The following RFTN1 variants were observed in gnomAD, a reference collection of about 807,000 sequenced individuals.
RFTN1 encodes raftlin.
Under a neutral mutation model 46.5 loss-of-function variants are expected in RFTN1, and 26 were observed. The ratio of observed to expected loss-of-function variants is 0.56; its 90% CI spans 0.41 to 0.78. The LOEUF is 0.78. Among genes scored for constraint, RFTN1 ranks in the 30% least tolerant of loss-of-function variants. The probability of loss-of-function intolerance (pLI) is 0.00; values close to 1 mark genes in which losing one functional copy is unlikely to be tolerated. For synonymous variants in RFTN1, 261 were observed against 284.2 expected (o/e 0.92, Z 0.82); for missense variants, 693 against 718.7 (o/e 0.96, Z 0.41).
At position 16,389,783 on chromosome 3, in the gene RFTN1, A is replaced by G. The variant is rs368005646; in HGVS notation, c.442-11681T>C. ...TCTGCTGGAACCTTGTCACTCCTCC[A>G]TCAAGAGCTGGAACCCATGTCCCCT... is the stretch of plus-strand genomic sequence containing the variant. On this transcript the variant is annotated intron_variant, in intron 4 of 9. Coordinates refer to ENST00000334133, the MANE Select transcript of RFTN1 (RefSeq NM_015150.2). Among the ~76,000 whole-genome samples, 20 of 152,348 alleles carry G rather than the reference A, an allele frequency of 1.3e-4. No homozygotes were observed. The South Asian group carries it at 1.7e-3, about 13-fold the overall frequency.
chr3:16,485,246 G>A (rs2076428958), intron 2 of RFTN1, among the ~76,000 whole-genome samples: 1 of 151,978 alleles, frequency 6.6e-6, no homozygotes. Context: ...ACAAATTGTG[G>A]CACATGCAAA....
At chr3:16,490,989 A>C (rs537410880) in intron 2 of RFTN1, among the ~76,000 whole-genome samples, 1 of 152,314 alleles carries the variant, frequency 6.6e-6, no homozygotes, top group South Asian at 2.1e-4. Flanking sequence ...GCAGAGAATA[A>C]AAGAGAGAAA....
At chr3:16,409,612 G>A in intron 3 of RFTN1, 129 bp from the exon 4 acceptor site, 1 of 590,964 alleles carries the variant, frequency 1.7e-6, no homozygotes, top group Non-Finnish European at 3.1e-6. Flanking sequence ...CCACCTCCCG[G>A]GTTCAAGCAA....
At chr3:16,394,846 T>C (rs375124820) in intron 4 of RFTN1, among the ~76,000 whole-genome samples, 7 of 152,322 alleles carry the variant, frequency 4.6e-5, no homozygotes, top group African/African-American at 1.7e-4. Flanking sequence ...TGAGCACTTA[T>C]GACTCAGGAC....
At position 16,316,423 on chromosome 3, in the gene RFTN1, A is replaced by T; in HGVS notation, c.*405T>A. ...CAGGGGATGGACACTGCCCCACACGATGTGGGATGAACAGCAGCCTTGGTT... is the reference window on the plus strand; with the variant it reads ...CAGGGGATGGACACTGCCCCACACGTTGTGGGATGAACAGCAGCCTTGGTT... On this transcript the variant is annotated 3_prime_UTR_variant, in exon 10 of 10. Coordinates refer to ENST00000334133, the MANE Select transcript of RFTN1 (RefSeq NM_015150.2). This position sits in a 1 kb window ranked among gnomAD's most constrained non-coding sequence, Gnocchi z 4.5. The T allele has an allele frequency of 3.9e-6, 1 of 255,586 alleles. No homozygotes were observed. Among genetic ancestry groups the T allele is most frequent in the South Asian group, 4.3e-5 (1 of 23,350 alleles). The allele number at this position is 255,586 out of a possible 1,614,324, so 15.8% of individuals were successfully genotyped here. A position where few individuals can be genotyped will look rare whatever the true frequency, so the allele number is the denominator to read the frequency against.
chr3:16,455,020 C>T (rs2075881473), intron 2 of RFTN1, among the ~76,000 whole-genome samples: 1 of 152,298 alleles, frequency 6.6e-6, no homozygotes, highest in African/African-American at 2.4e-5. Context: ...ATGAAGATCC[C>T]AGGTCTTCCA....
rs961055223 is a variant in RFTN1, at chr3:16,334,798, T to C, written c.1147-7922A>G. 1.3e-5 allele frequency among the ~76,000 whole-genome samples: 2 copies of C among 152,186 alleles called. No homozygotes were observed. Among genetic ancestry groups the C allele is most frequent in the Non-Finnish European group, 2.9e-5 (2 of 68,032 alleles). ...GCATGGTAAAGGGATGTGGCAGATA[T>C]GATTAAGCTAAGGATCTTGAGATGG... On this transcript the variant is annotated intron_variant, in intron 7 of 9. Transcript: ENST00000334133. The surrounding 1 kb of genome is among the most constrained non-coding windows in gnomAD (Gnocchi z 4.3).
rs1015474829 is a variant in RFTN1, at chr3:16,433,582, G to A, written c.332+269C>T. Among the ~76,000 whole-genome samples the A allele has an allele frequency of 1.3e-5, 2 of 152,172 alleles. No individual in the cohort carries two copies. Among genetic ancestry groups the A allele is most frequent in the Admixed American group, 6.5e-5 (1 of 15,288 alleles). ...CTTCTTCTGAGGAGACATTTTTCTA[G>A]CTGAGTTTAATCCAGTGAGTTAAAA... On this transcript the variant is annotated intron_variant, in intron 3 of 9. Transcript: ENST00000334133. This position sits in a 1 kb window ranked among gnomAD's most constrained non-coding sequence, Gnocchi z 4.4.
chr3:16,342,989 C>T lies in RFTN1; in HGVS notation c.1146+14943G>A, dbSNP rs1255368695. 2.0e-5 allele frequency among the ~76,000 whole-genome samples: 3 copies of T among 152,172 alleles called. No homozygotes were observed. ...CTGAGTCGCTGGGAATACAGGCACA[C>T]ACCACCATGCCCAGCTAATTTTTAT... On this transcript the variant is annotated intron_variant, in intron 7 of 9. Coordinates refer to ENST00000334133, the MANE Select transcript of RFTN1 (RefSeq NM_015150.2). The surrounding 1 kb of genome is among the most constrained non-coding windows in gnomAD (Gnocchi z 4.0).
At chr3:16,461,549 C>T (rs1462466104) in intron 2 of RFTN1, among the ~76,000 whole-genome samples, 2 of 152,248 alleles carry the variant, frequency 1.3e-5, no homozygotes, top group South Asian at 2.1e-4. Flanking sequence ...GGCCTGGCCA[C>T]AGACAATAGC....
chr3:16,505,689 G>A lies in RFTN1; in HGVS notation c.-9+7753C>T, dbSNP rs991570327. ...GATGAGGTCCACCCACATGATGGAG[G>A]GTGATCTGCTTTACTCCAAGTCTTC... On this transcript the variant is annotated intron_variant, in intron 1 of 9. Coordinates refer to ENST00000334133, the MANE Select transcript of RFTN1 (RefSeq NM_015150.2). Among the ~76,000 whole-genome samples, 5 of 152,124 alleles carry A rather than the reference G, an allele frequency of 3.3e-5. No individual in the cohort carries two copies. The South Asian group carries it at 1.0e-3, about 32-fold the overall frequency.
Position 16,439,315 on chromosome 3 carries a change from T to A in RFTN1, c.146-5278A>T, listed in dbSNP as rs538856643. ...AATGATTTCTCCACTTGGATGGACATACCAGTTGTAGCCTGTTGGTCTGTT... is the reference window on the plus strand; with the variant it reads ...AATGATTTCTCCACTTGGATGGACAAACCAGTTGTAGCCTGTTGGTCTGTT... On this transcript the variant is annotated intron_variant, in intron 2 of 9. Coordinates refer to ENST00000334133, the MANE Select transcript of RFTN1 (RefSeq NM_015150.2). Among the ~76,000 whole-genome samples, 42 of 152,362 alleles carry A rather than the reference T, an allele frequency of 2.8e-4. 1 individual carries two copies. The highest frequency in any genetic ancestry group is 1.2e-3 in the South Asian group (6 of 4,830).
Position 16,466,351 on chromosome 3 carries a change from C to G in RFTN1, c.145+27374G>C, listed in dbSNP as rs6792262. Among the ~76,000 whole-genome samples, 7,427 of 152,224 alleles carry G rather than the reference C, an allele frequency of 0.049. 326 individuals are homozygous for G. Among genetic ancestry groups the G allele is most frequent in the East Asian group, 0.21 (1,071 of 5,176 alleles). ...TACTTTACTTTTAAAGATGTAATAT[C>G]TATGAAATCTCTGTTGTTATTTACC... On this transcript the variant is annotated intron_variant, in intron 2 of 9. Coordinates refer to ENST00000334133, the MANE Select transcript of RFTN1 (RefSeq NM_015150.2). This position sits in a 1 kb window ranked among gnomAD's most constrained non-coding sequence, Gnocchi z 5.6.
Position 16,473,714 on chromosome 3 carries a change from C to G in RFTN1, c.145+20011G>C, listed in dbSNP as rs1419624894. On this transcript the variant is annotated intron_variant, in intron 2 of 9. Transcript: ENST00000334133. This position sits in a 1 kb window ranked among gnomAD's most constrained non-coding sequence, Gnocchi z 5.3. ...GAGCCACTGCACCTGGCCAAATACTCGGTATTCTTGAAAGCATTCTATTAG... is the reference window on the plus strand; with the variant it reads ...GAGCCACTGCACCTGGCCAAATACTGGGTATTCTTGAAAGCATTCTATTAG... Among the ~76,000 whole-genome samples the G allele has an allele frequency of 6.6e-6, 1 of 152,156 alleles. No individual in the cohort carries two copies. The highest frequency in any genetic ancestry group is 1.5e-5 in the Non-Finnish European group (1 of 68,024).
Position 16,410,009 on chromosome 3 carries a change from T to A in RFTN1, c.333-526A>T, listed in dbSNP as rs9868672. ...GACGCAGAATATTTTTTTTTTTTTT[T>A]AAAAAGAATCATTGGGTCTTTAATG... On this transcript the variant is annotated intron_variant, in intron 3 of 9. Transcript: ENST00000334133. This position sits in a 1 kb window ranked among gnomAD's most constrained non-coding sequence, Gnocchi z 4.6. Among the ~76,000 whole-genome samples the A allele has an allele frequency of 0.42, 60,674 of 144,712 alleles. 12,452 individuals carry two copies. Among genetic ancestry groups the A allele is most frequent in the South Asian group, 0.49 (2,247 of 4,610 alleles). 94.9% of individuals were successfully genotyped at this position (144,712 alleles called of 152,430 possible).
At position 16,352,516 on chromosome 3, in the gene RFTN1, C is replaced by G. The variant is rs1559850154; in HGVS notation, c.1146+5416G>C. 6.6e-6 allele frequency among the ~76,000 whole-genome samples: 1 copy of G among 152,174 alleles called. No individual in the cohort carries two copies. The highest frequency in any genetic ancestry group is 6.5e-5 in the Admixed American group (1 of 15,288). On this transcript the variant is annotated intron_variant, in intron 7 of 9. Coordinates refer to ENST00000334133, the MANE Select transcript of RFTN1 (RefSeq NM_015150.2). The surrounding 1 kb of genome is among the most constrained non-coding windows in gnomAD (Gnocchi z 4.6). ...GCCCTATGGATAGACATTTATCTTA[C>G]AAATGCCTTTAATTTTAGGCTGTAG... is the stretch of plus-strand genomic sequence containing the variant.
intron 4 of RFTN1, among the ~76,000 whole-genome samples, chr3:16,403,290 G>C (rs2074651756): frequency 6.6e-6 from 1 of 151,960 alleles, no homozygotes; most frequent in Admixed American, 6.6e-5. Flanking sequence ...AACAGGCTGG[G>C]TTCATATCTC....
At position 16,330,262 on chromosome 3, in the gene RFTN1, C is replaced by T. The variant is rs60813833; in HGVS notation, c.1147-3386G>A. Among the ~76,000 whole-genome samples the T allele has an allele frequency of 3.6e-4, 55 of 152,306 alleles. 1 individual carries two copies. In the East Asian group the frequency reaches 0.01, roughly 28 times the overall value. On this transcript the variant is annotated intron_variant, in intron 7 of 9. Coordinates refer to ENST00000334133, the MANE Select transcript of RFTN1 (RefSeq NM_015150.2). ...GATGTTGCACTCTGCCAGACTCTCC[C>T]ACTCCGACTATTTGGAATGGTCTTG...
At position 16,383,699 on chromosome 3, in the gene RFTN1, G is replaced by A. The variant is rs1484329605; in HGVS notation, c.442-5597C>T. ...GTGATTTAGAGTATGTGTATCAATC[G>A]GGGTGAGAAATCAGAAAGAAGTGAG... On this transcript the variant is annotated intron_variant, in intron 4 of 9. Coordinates refer to ENST00000334133, the MANE Select transcript of RFTN1 (RefSeq NM_015150.2). This position sits in a 1 kb window ranked among gnomAD's most constrained non-coding sequence, Gnocchi z 4.0. Among the ~76,000 whole-genome samples, 1 of 152,124 alleles carries A rather than the reference G, an allele frequency of 6.6e-6. No homozygotes were observed. The highest frequency in any genetic ancestry group is 2.4e-5 in the African/African-American group (1 of 41,414).
Sources: gnomAD v4.1 joint callset for allele counts (sites outside exome capture counted in the v4.1 genomes callset) on GRCh38, gnomAD v4.1.1 for gene constraint, Gnocchi (gnomAD v3.1) non-coding constraint, MANE v1.5 for transcripts, NCBI Gene and HGNC (gene_info 2026-07-23, HGNC 2026-07-21) for gene names.